Variants in KCNN3 observed in about 807,000 individuals in gnomAD.
KCNN3 encodes the protein potassium calcium-activated channel subfamily N member 3, also known as small conductance calcium-activated potassium channel protein 3.
KCNN3 carries 16 observed loss-of-function variants against 62.9 expected under a neutral mutation model. The ratio of observed to expected loss-of-function variants is 0.25; its 90% CI spans 0.17 to 0.39. The LOEUF (loss-of-function observed/expected upper bound fraction) is 0.39. Among genes scored for constraint, KCNN3 ranks in the 10% least tolerant of loss-of-function variants. The probability of loss-of-function intolerance (pLI) is 1.00; values close to 1 mark genes in which losing one functional copy is unlikely to be tolerated. For missense variants in KCNN3, 599 were observed against 949.4 expected (o/e 0.63, Z 4.85); for synonymous variants, 370 against 389.2 (o/e 0.95, Z 0.58).
chr1:154,812,509 T>C (rs1420454329), intron 2 of KCNN3, among the ~76,000 whole-genome samples: 1 of 152,060 alleles, frequency 6.6e-6, no homozygotes, highest in African/African-American at 2.4e-5. Context: ...CATGCGGTGT[T>C]TGGTTTTTTG....
chr1:154,772,459 G>C lies in KCNN3; in HGVS notation c.1030-66C>G. 1.9e-6 allele frequency: 3 copies of C among 1,544,118 alleles called. No individual in the cohort carries two copies. The highest frequency in any genetic ancestry group is 2.7e-6 in the Non-Finnish European group (3 of 1,124,458). ...GAAGCCCACAGCAGGGTCCAGGCAG[G>C]ACAGGTGGGGCAGGCTGGGGCAGGC... On this transcript the variant is annotated intron_variant, in intron 2 of 7. Transcript: ENST00000271915. This position sits in a 1 kb window ranked among gnomAD's most constrained non-coding sequence, Gnocchi z 5.6.
intron 2 of KCNN3, among the ~76,000 whole-genome samples, chr1:154,799,739 C>A (rs1455706572): frequency 6.6e-6 from 1 of 152,194 alleles, no homozygotes; most frequent in Non-Finnish European, 1.5e-5. Flanking sequence ...CAGCGGACAG[C>A]CAGCTGATCG....
chr1:154,807,302 G>A (rs1448032147), intron 2 of KCNN3, among the ~76,000 whole-genome samples: 2 of 152,146 alleles, frequency 1.3e-5, no homozygotes, highest in Non-Finnish European at 2.9e-5. Flanking sequence ...ACTCGAGCCC[G>A]TAACCCAACA....
At chr1:154,746,173 C>T (rs570340457) in intron 3 of KCNN3, among the ~76,000 whole-genome samples, 1 of 152,266 alleles carries the variant, frequency 6.6e-6, no homozygotes, top group Admixed American at 6.5e-5. Flanking sequence ...TGGCTTGGTG[C>T]CTACTTGGGA....
chr1:154,783,862 C>T (rs1649166774), intron 2 of KCNN3, among the ~76,000 whole-genome samples: 1 of 152,170 alleles, frequency 6.6e-6, no homozygotes, highest in African/African-American at 2.4e-5. Flanking sequence ...GCCACCACCA[C>T]CTCACCCCTT....
At position 154,705,962 on chromosome 1, in the gene KCNN3, T is replaced by C. The variant is rs1439908054; in HGVS notation, c.*2014A>G. ...GTCACTGAAAACAGGAGCACCATTC[T>C]TGGGACATGAAACAAGGAGGAGGGG... On this transcript the variant is annotated 3_prime_UTR_variant, in exon 8 of 8. Transcript: ENST00000271915. 1 of 152,192 alleles carries C rather than the reference T, an allele frequency of 6.6e-6. No individual in the cohort carries two copies. The allele number at this position is 152,192 out of a possible 1,614,324, so 9.4% of individuals were successfully genotyped here.
chr1:154,769,865 G>T (rs1648468300), intron 3 of KCNN3, among the ~76,000 whole-genome samples: 1 of 152,180 alleles, frequency 6.6e-6, no homozygotes, highest in Non-Finnish European at 1.5e-5. Context: ...GTTATCAAGG[G>T]ATCTGCACTA....
intron 2 of KCNN3, among the ~76,000 whole-genome samples, chr1:154,820,057 G>C (rs1650826415): frequency 1.3e-5 from 2 of 152,206 alleles, no homozygotes; most frequent in African/African-American, 2.4e-5. Flanking sequence ...CAAAATGAAT[G>C]ACCCCCAATA....
intron 2 of KCNN3, among the ~76,000 whole-genome samples, chr1:154,821,662 G>T (rs984941835): frequency 1.3e-5 from 2 of 152,202 alleles, no homozygotes; most frequent in Non-Finnish European, 2.9e-5. Flanking sequence ...GTGGAGTTTG[G>T]TGCAGCATAT....
intron 2 of KCNN3, among the ~76,000 whole-genome samples, chr1:154,818,839 C>T (rs1411762391): frequency 6.6e-6 from 1 of 152,226 alleles, no homozygotes. Flanking sequence ...TCTAAATGAA[C>T]AAGTAAGAAT....
intron 3 of KCNN3, among the ~76,000 whole-genome samples, chr1:154,759,658 A>G (rs1571247330): frequency 6.6e-6 from 1 of 152,206 alleles, no homozygotes; most frequent in African/African-American, 2.4e-5. Context: ...AATTCATTCC[A>G]GTGACAAAGG....
In KCNN3 at chr1:154,699,984, G is replaced by A. The variant is rs1169281321; in HGVS notation, c.*7992C>T. 2 of 152,084 alleles carry A rather than the reference G, an allele frequency of 1.3e-5. No homozygotes were observed. Among genetic ancestry groups the A allele is most frequent in the Admixed American group, 1.3e-4 (2 of 15,270 alleles). 9.4% of individuals were successfully genotyped at this position (152,084 alleles called of 1,614,324 possible). The stretch of plus-strand genomic sequence containing the variant: ...GACCGGAAAAAGACTATCTCTTATT[G>A]ACTTTATTATGTTTGATGTAGACCA... On this transcript the variant is annotated 3_prime_UTR_variant, in exon 8 of 8. Transcript: ENST00000271915.
chr1:154,810,677 G>A (rs546503840), intron 2 of KCNN3, among the ~76,000 whole-genome samples: 3 of 152,320 alleles, frequency 2.0e-5, no homozygotes, highest in Non-Finnish European at 4.4e-5. Context: ...GTGGGGGTGT[G>A]GCTGGGATGA....
intron 2 of KCNN3, among the ~76,000 whole-genome samples, chr1:154,819,534 C>T (rs1337636174): frequency 6.6e-6 from 1 of 152,142 alleles, no homozygotes; most frequent in Admixed American, 6.5e-5. Flanking sequence ...TATACAAGGG[C>T]GCTCCGTAGG....
chr1:154,772,780 T>A lies in KCNN3; in HGVS notation c.1030-387A>T, dbSNP rs144798465. 7.2e-4 allele frequency among the ~76,000 whole-genome samples: 110 copies of A among 152,010 alleles called. No homozygotes were observed. Among genetic ancestry groups the A allele is most frequent in the Non-Finnish European group, 1.4e-3 (93 of 67,970 alleles). On this transcript the variant is annotated intron_variant, in intron 2 of 7. Transcript: ENST00000271915. The surrounding 1 kb of genome is among the most constrained non-coding windows in gnomAD (Gnocchi z 5.6). ...ATTTGTATGCTAATGAGATGACTAGTGGCTGGGGTCGGTCGGGGTGGGGAT... is the reference window on the plus strand; with the variant it reads ...ATTTGTATGCTAATGAGATGACTAGAGGCTGGGGTCGGTCGGGGTGGGGAT...
chr1:154,796,470 A>G (rs1649739060), intron 2 of KCNN3, among the ~76,000 whole-genome samples: 1 of 152,190 alleles, frequency 6.6e-6, no homozygotes, highest in African/African-American at 2.4e-5. Flanking sequence ...ATACACACGC[A>G]CGTACAGACA....
At chr1:154,769,897 A>T (rs1481098282) in intron 3 of KCNN3, among the ~76,000 whole-genome samples, 7 of 152,228 alleles carry the variant, frequency 4.6e-5, no homozygotes, top group Non-Finnish European at 8.8e-5. Context: ...TTTCACCATC[A>T]TTGGATTGCA....
At chr1:154,849,861 A>G (rs976772071) in intron 1 of KCNN3, among the ~76,000 whole-genome samples, 4 of 152,162 alleles carry the variant, frequency 2.6e-5, no homozygotes, top group African/African-American at 4.8e-5. Context: ...GCCTCTCCAC[A>G]TTAAAGGACT....
intron 5 of KCNN3, among the ~76,000 whole-genome samples, chr1:154,721,405 T>A (rs538006930): frequency 6.6e-6 from 1 of 151,528 alleles, no homozygotes; most frequent in East Asian, 2.0e-4. Flanking sequence ...GTTCAAGCAA[T>A]TCTCCTGCCT....
Sources: allele counts gnomAD v4.1 joint callset (sites outside exome capture counted in the v4.1 genomes callset), GRCh38; gene constraint gnomAD v4.1.1; non-coding constraint Gnocchi (gnomAD v3.1); transcripts MANE v1.5; gene names NCBI Gene and HGNC (gene_info 2026-07-23, HGNC 2026-07-21).